PRELID2: variants seen among roughly 807,000 people sequenced by gnomAD.
The protein encoded by PRELID2 is PRELI domain containing 2.
Under a neutral mutation model 28.4 loss-of-function variants are expected in PRELID2, and 25 were observed. That is an observed-to-expected ratio of 0.88 (90% confidence interval 0.64 to 1.23). The LOEUF (loss-of-function observed/expected upper bound fraction) is 1.23. Ranked by LOEUF, PRELID2 falls within the 50% of genes most tolerant of loss-of-function variation. PRELID2 has a pLI of 0.00. For synonymous variants in PRELID2, 76 were observed against 71.6 expected (o/e 1.06, Z -0.31); for missense variants, 201 against 214.4 (o/e 0.94, Z 0.39).
intron 4 of PRELID2, among the ~76,000 whole-genome samples, chr5:145,813,212 T>C (rs905443287): frequency 1.3e-5 from 2 of 152,204 alleles, no homozygotes; most frequent in Admixed American, 1.3e-4. Flanking sequence ...AAAAAACTTG[T>C]CCCTATTCTG....
chr5:145,392,931 T>C, the PRELID2 span, among the ~76,000 whole-genome samples: 2 of 152,160 alleles, frequency 1.3e-5, no homozygotes, highest in African/African-American at 4.8e-5. Flanking sequence ...CTCAAACACT[T>C]TGTTTCTGTG....
chr5:145,296,131 C>T, the PRELID2 span, among the ~76,000 whole-genome samples: 1 of 151,834 alleles, frequency 6.6e-6, no homozygotes, highest in Non-Finnish European at 1.5e-5. Context: ...ACCTCCAAAA[C>T]TCATGTTGAA....
chr5:145,600,612 A>G (rs1580994563), intron 1 of PRELID2, among the ~76,000 whole-genome samples: 2 of 151,894 alleles, frequency 1.3e-5, no homozygotes, highest in East Asian at 3.9e-4. Flanking sequence ...ATTTTCAGCA[A>G]AAATAATTTC....
chr5:145,587,084 T>G (rs1012188606), intron 1 of PRELID2, among the ~76,000 whole-genome samples: 1 of 152,104 alleles, frequency 6.6e-6, no homozygotes, highest in Non-Finnish European at 1.5e-5. Flanking sequence ...GACTGCTGAA[T>G]TATTACCCAC....
chr5:145,771,803 C>T (rs1324527541), intron 5 of PRELID2, among the ~76,000 whole-genome samples: 10 of 151,756 alleles, frequency 6.6e-5, no homozygotes, highest in East Asian at 3.9e-4. Flanking sequence ...TGCGGTGAGC[C>T]GAGATCGCAC....
At chr5:145,799,624 C>G (rs1361722991) in intron 4 of PRELID2, among the ~76,000 whole-genome samples, 1 of 152,154 alleles carries the variant, frequency 6.6e-6, no homozygotes, top group South Asian at 2.1e-4. Context: ...CACAAGTTAT[C>G]TAAAAATGCC....
At chr5:145,336,068 C>T in the PRELID2 span, among the ~76,000 whole-genome samples, 49 of 152,328 alleles carry the variant, frequency 3.2e-4, no homozygotes, top group Non-Finnish European at 6.2e-4. Context: ...GCATAAATGT[C>T]TTCTTTTGAG....
At chr5:145,702,362 A>T (rs1352365195) in intron 1 of PRELID2, among the ~76,000 whole-genome samples, 2 of 152,168 alleles carry the variant, frequency 1.3e-5, no homozygotes, top group African/African-American at 4.8e-5. Context: ...GAAATAGGAC[A>T]TCAAGATAAA....
chr5:145,420,272 G>A, the PRELID2 span, among the ~76,000 whole-genome samples: 1 of 152,096 alleles, frequency 6.6e-6, no homozygotes, highest in Admixed American at 6.5e-5. Flanking sequence ...TGTGAAGAAA[G>A]TCATTGGTAG....
At chr5:145,252,455 T>G in the PRELID2 span, among the ~76,000 whole-genome samples, 1 of 152,170 alleles carries the variant, frequency 6.6e-6, no homozygotes, top group Non-Finnish European at 1.5e-5. Flanking sequence ...ATTTTCTCAT[T>G]TTTCAAATTA....
At chr5:145,249,228 T>C in the PRELID2 span, among the ~76,000 whole-genome samples, 8 of 152,172 alleles carry the variant, frequency 5.3e-5, no homozygotes, top group Non-Finnish European at 1.2e-4. Context: ...TTATTTAACA[T>C]GCCCCTTCCC....
At chr5:145,418,704 C>T in the PRELID2 span, among the ~76,000 whole-genome samples, 2 of 151,310 alleles carry the variant, frequency 1.3e-5, no homozygotes, top group Non-Finnish European at 2.9e-5. Flanking sequence ...AAAACTGAAA[C>T]TGAACCCCTT....
At chr5:145,573,012 G>A (rs1015475676) in intron 1 of PRELID2, among the ~76,000 whole-genome samples, 6 of 152,024 alleles carry the variant, frequency 3.9e-5, no homozygotes, top group Non-Finnish European at 8.8e-5. Flanking sequence ...AGTATACATA[G>A]CCCAACAAGC....
intron 5 of PRELID2, among the ~76,000 whole-genome samples, chr5:145,792,239 A>G (rs1267028102): frequency 6.6e-6 from 1 of 152,166 alleles, no homozygotes; most frequent in African/African-American, 2.4e-5. Flanking sequence ...TCCCCGGTTC[A>G]CCATTTACTA....
the PRELID2 span, among the ~76,000 whole-genome samples, chr5:145,374,872 G>C: frequency 1.3e-5 from 2 of 152,076 alleles, no homozygotes; most frequent in Non-Finnish European, 2.9e-5. Context: ...ATTCTAGTCA[G>C]CATCTTCTCT....
intron 1 of PRELID2, among the ~76,000 whole-genome samples, chr5:145,681,104 CA>C (rs770018947): frequency 9.2e-5 from 14 of 152,188 alleles, no homozygotes; most frequent in Non-Finnish European, 1.6e-4. Context: ...AAAAAGTACT[CA>C]GGGGGAAGCT....
chr5:145,506,961 T>C (rs572925625), intron 1 of PRELID2, among the ~76,000 whole-genome samples: 2 of 152,336 alleles, frequency 1.3e-5, no homozygotes, highest in South Asian at 4.1e-4. Flanking sequence ...TTCAATTAAC[T>C]CATTTGTTTG....
chr5:145,392,768 G>C, the PRELID2 span, among the ~76,000 whole-genome samples: 3 of 152,024 alleles, frequency 2.0e-5, no homozygotes, highest in Admixed American at 6.6e-5. Flanking sequence ...ATGCTCTCTA[G>C]CCAATCAAAT....
the PRELID2 span, among the ~76,000 whole-genome samples, chr5:145,345,705 G>A: frequency 4.6e-5 from 7 of 152,110 alleles, no homozygotes; most frequent in East Asian, 3.9e-4. Context: ...ACACATTAAC[G>A]TAATCTGAAA....
Sources: gnomAD v4.1 joint callset for allele counts (sites outside exome capture counted in the v4.1 genomes callset) on GRCh38, gnomAD v4.1.1 for gene constraint, MANE v1.5 for transcripts, NCBI Gene and HGNC (gene_info 2026-07-23, HGNC 2026-07-21) for gene names.